The following SERPINE2 variants were observed in gnomAD, a reference collection of about 807,000 sequenced individuals.
SERPINE2 encodes the protein glia-derived nexin.
A neutral mutation model predicts 36.3 loss-of-function variants in SERPINE2; 14 were observed. That is an observed-to-expected ratio of 0.39 (90% CI 0.25 to 0.60). The LOEUF (loss-of-function observed/expected upper bound fraction) is 0.60. SERPINE2 is among the 20% of genes least tolerant of loss of function. SERPINE2 has a pLI of 0.57. For missense variants in SERPINE2, 418 were observed against 499.6 expected (o/e 0.84, Z 1.56); for synonymous variants, 192 against 191.8 (o/e 1.00, Z -0.01).
intron 1 of SERPINE2, among the ~76,000 whole-genome samples, chr2:224,016,830 T>C (rs758530691): frequency 3.3e-5 from 5 of 152,284 alleles, no homozygotes; most frequent in South Asian, 2.1e-4. Flanking sequence ...AACAACTTGG[T>C]TGGATTTCAA....
intron 1 of SERPINE2, among the ~76,000 whole-genome samples, chr2:224,023,122 T>C (rs1005239071): frequency 6.6e-6 from 1 of 152,246 alleles, no homozygotes; most frequent in Non-Finnish European, 1.5e-5. Flanking sequence ...AACAGACTAA[T>C]ACACCAATCA....
At chr2:224,033,579 A>G (rs1399409735) in intron 1 of SERPINE2, among the ~76,000 whole-genome samples, 4 of 151,280 alleles carry the variant, frequency 2.6e-5, no homozygotes, top group Non-Finnish European at 4.4e-5. Flanking sequence ...TACACGCTCT[A>G]TTGGTGGTGC....
chr2:224,038,674 G>A, intron 1 of SERPINE2: 1 of 675,458 alleles, frequency 1.5e-6, no homozygotes, highest in Non-Finnish European at 2.6e-6. Flanking sequence ...CCCATCCGGC[G>A]GCGCGCAGCC....
At chr2:224,014,789 T>A (rs1691742978) in intron 1 of SERPINE2, among the ~76,000 whole-genome samples, 3 of 152,164 alleles carry the variant, frequency 2.0e-5, no homozygotes, top group Admixed American at 2.0e-4. Context: ...CCCTATTAAG[T>A]TGGTTTATCC....
At chr2:223,984,525 T>C (rs917713667) in intron 5 of SERPINE2, among the ~76,000 whole-genome samples, 1 of 152,164 alleles carries the variant, frequency 6.6e-6, no homozygotes, top group African/African-American at 2.4e-5. Flanking sequence ...GAGACCAAGG[T>C]TGCCCTCTCT....
At chr2:224,037,287 A>C (rs1692566234) in intron 1 of SERPINE2, among the ~76,000 whole-genome samples, 1 of 152,202 alleles carries the variant, frequency 6.6e-6, no homozygotes, top group Non-Finnish European at 1.5e-5. Context: ...TGGGCTACAA[A>C]GTCACCTGCC....
At chr2:223,996,946 G>A (rs1050436346) in intron 3 of SERPINE2, among the ~76,000 whole-genome samples, 3 of 152,238 alleles carry the variant, frequency 2.0e-5, no homozygotes, top group Middle Eastern at 3.4e-3. Context: ...GCATGGTGGC[G>A]CACACCTGTA....
intron 8 of SERPINE2, 29 bp from the exon 9 acceptor site, chr2:223,975,933 A>T: frequency 1.3e-6 from 2 of 1,575,002 alleles, no homozygotes; most frequent in Non-Finnish European, 1.7e-6. Context: ...ACAATGCATG[A>T]CTCTGTAAAT....
At chr2:224,012,503 T>C (rs892046885) in intron 1 of SERPINE2, among the ~76,000 whole-genome samples, 3 of 151,228 alleles carry the variant, frequency 2.0e-5, no homozygotes, top group Admixed American at 1.3e-4. Flanking sequence ...CTTGGGAGGC[T>C]GAGGCAGGAG....
intron 8 of SERPINE2, among the ~76,000 whole-genome samples, 170 bp downstream of exon 8, chr2:223,977,374 C>G (rs1574804732): frequency 6.6e-6 from 1 of 152,178 alleles, no homozygotes; most frequent in Non-Finnish European, 1.5e-5. Flanking sequence ...GTAAACACAG[C>G]CTTTATTTTC....
rs1298593564 is a variant in SERPINE2, at chr2:223,991,822, C to G, written c.666G>C (p.Gln222His). Residue 222 changes from glutamine (Q) to histidine (H), a missense_variant, in exon 4 of 9, where the codon CAG becomes CAC. By Grantham distance (24) the Gln-to-His change is conservative. Transcript: ENST00000409304. ...GKSYQVPMLA[Q>H]LSVFRCGSTS... The stretch of plus-strand genomic sequence containing the variant: ...ACTCACCACACCGGAACACGGAGAG[C>G]TGGGCCAGCATTGGCACTTGATAGG... The G allele has an allele frequency of 1.2e-6, 2 of 1,613,994 alleles. No individual in the cohort carries two copies. Among genetic ancestry groups the G allele is most frequent in the Admixed American group, 1.7e-5 (1 of 59,986 alleles).
intron 5 of SERPINE2, among the ~76,000 whole-genome samples, chr2:223,983,760 G>GTGTGTT (rs1553542795): frequency 1.9e-4 from 17 of 87,334 alleles, no homozygotes; most frequent in African/African-American, 5.1e-4. Flanking sequence ...GTGTGTGTGT[G>GTGTGTT]TGTGTAAATG....
intron 7 of SERPINE2, chr2:223,977,845 T>C (rs571703297): frequency 8.0e-6 from 4 of 500,722 alleles, no homozygotes; most frequent in Admixed American, 3.2e-5. Context: ...TCATGTCTTC[T>C]ACACAAGCAC....
Position 223,975,725 on chromosome 2 carries a change from G to C in SERPINE2, c.*142C>G. On this transcript the variant is annotated 3_prime_UTR_variant, in exon 9 of 9. Transcript: ENST00000409304. ...AATACCTCCCAGAACAGAAACACTTGCATCGAGTCTGTTCCTAAGAACTAG... is the reference window on the plus strand; with the variant it reads ...AATACCTCCCAGAACAGAAACACTTCCATCGAGTCTGTTCCTAAGAACTAG... The C allele has an allele frequency of 3.2e-6, 2 of 617,158 alleles. No homozygotes were observed. The highest frequency in any genetic ancestry group is 3.0e-5 in the South Asian group (1 of 33,316). 38.2% of individuals were successfully genotyped at this position (617,158 alleles called of 1,614,324 possible). A position where few individuals can be genotyped will look rare whatever the true frequency, so the allele number is the denominator to read the frequency against.
intron 1 of SERPINE2, among the ~76,000 whole-genome samples, chr2:224,005,065 T>TTATATATTTTTTTA (rs1553547022): frequency 6.0e-5 from 2 of 33,578 alleles, no homozygotes; most frequent in South Asian, 1.7e-3. Flanking sequence ...TTTATATATA[T>TTATATATTTTTTTA]TATATATATA....
chr2:223,977,158 T>C (rs1408606436), intron 8 of SERPINE2, among the ~76,000 whole-genome samples: 3 of 152,204 alleles, frequency 2.0e-5, no homozygotes, highest in Non-Finnish European at 4.4e-5. Flanking sequence ...CTCTAGGGTA[T>C]TTCTTCATAG....
chr2:224,021,002 C>T (rs547137829), intron 1 of SERPINE2, among the ~76,000 whole-genome samples: 12 of 152,260 alleles, frequency 7.9e-5, no homozygotes, highest in South Asian at 6.2e-4. Flanking sequence ...AGAAAACAAA[C>T]GCTCCTAGAC....
At position 223,990,570 on chromosome 2, in the gene SERPINE2, T is replaced by C. The variant is rs1281199653; in HGVS notation, c.685+1233A>G. Among the ~76,000 whole-genome samples, 4 of 152,236 alleles carry C rather than the reference T, an allele frequency of 2.6e-5. No homozygotes were observed. The East Asian group carries it at 7.7e-4, about 29-fold the overall frequency. Reference sequence around the variant, plus strand: ...AGTAAATGAGGGCCCCCTCACTTTTTATTTTATTTTTTTATGGACTATAAA... The same window carrying C: ...AGTAAATGAGGGCCCCCTCACTTTTCATTTTATTTTTTTATGGACTATAAA... On this transcript the variant is annotated intron_variant, in intron 4 of 8. Coordinates refer to ENST00000409304, the MANE Select transcript of SERPINE2 (RefSeq NM_001136528.2).
At chr2:224,030,260 A>T (rs1692318235) in intron 1 of SERPINE2, 1 of 981,890 alleles carries the variant, frequency 1.0e-6, no homozygotes, top group South Asian at 4.7e-5. Flanking sequence ...GCCCACTGAG[A>T]GTGCAGCAGG....
Sources: allele counts gnomAD v4.1 joint callset (sites outside exome capture counted in the v4.1 genomes callset), GRCh38; gene constraint gnomAD v4.1.1; transcripts MANE v1.5; gene names NCBI Gene and HGNC (gene_info 2026-07-23, HGNC 2026-07-21).